Variants in TENM3 observed in about 807,000 individuals in gnomAD.
The protein encoded by TENM3 is teneurin-3.
In TENM3, 63 loss-of-function variants were observed where a neutral mutation model predicts 255.1. The observed-to-expected ratio is 0.25, with a 90% CI of 0.20 to 0.30. TENM3 has a LOEUF of 0.30. Ranked by LOEUF, TENM3 falls within the 10% of genes least tolerant of loss-of-function variation. The probability of loss-of-function intolerance (pLI) is 1.00; values close to 1 mark genes in which losing one functional copy is unlikely to be tolerated. For missense variants in TENM3, 2,929 were observed against 3,461.1 expected, an observed-to-expected ratio of 0.85 and a Z score of 3.86; for synonymous variants, 1,306 against 1,322.3, an observed-to-expected ratio of 0.99 and a Z score of 0.27.
At chr4:182,416,682 C>A (rs189195381) in intron 3 of TENM3, among the ~76,000 whole-genome samples, 2 of 152,092 alleles carry the variant, frequency 1.3e-5, no homozygotes, top group Admixed American at 1.3e-4. Flanking sequence ...AATTGGCTTC[C>A]CAAAGTAACT....
At position 182,754,320 on chromosome 4, in the gene TENM3, A is replaced by G. The variant is rs1762571298; in HGVS notation, c.4018-65A>G. The G allele has an allele frequency of 2.1e-6, 3 of 1,446,656 alleles. No individual in the cohort carries two copies. The highest frequency in any genetic ancestry group is 2.8e-6 in the Non-Finnish European group (3 of 1,084,674). 89.6% of individuals were successfully genotyped at this position (1,446,656 alleles called of 1,614,324 possible). On this transcript the variant is annotated intron_variant, in intron 21 of 27. Transcript: ENST00000511685. The surrounding 1 kb of genome is among the most constrained non-coding windows in gnomAD (Gnocchi z 5.1). The stretch of plus-strand genomic sequence containing the variant: ...CCAATTTCCCTGAATGGTCTAATTT[A>G]CTCTTCTGGCGAATTAACTGTAGTG...
chr4:182,416,142 C>T (rs1770343832), intron 3 of TENM3, among the ~76,000 whole-genome samples: 1 of 152,128 alleles, frequency 6.6e-6, no homozygotes, highest in Admixed American at 6.5e-5. Context: ...TCTTAATTCA[C>T]ACACCAAGAT....
chr4:182,004,153 T>G, the TENM3 span, among the ~76,000 whole-genome samples: 1 of 152,094 alleles, frequency 6.6e-6, no homozygotes, highest in African/African-American at 2.4e-5. Flanking sequence ...GCTTATTACA[T>G]AGGTATACAT....
chr4:181,483,854 T>C, the TENM3 span, among the ~76,000 whole-genome samples: 4 of 152,154 alleles, frequency 2.6e-5, no homozygotes, highest in African/African-American at 9.7e-5. Context: ...AACTTCTATC[T>C]CCAACAGATG....
intron 25 of TENM3, among the ~76,000 whole-genome samples, chr4:182,791,257 C>G (rs138707423): frequency 6.6e-6 from 1 of 152,348 alleles, no homozygotes; most frequent in East Asian, 1.9e-4. Context: ...AAGCTGAAGT[C>G]AGGCAAAGGA....
intron 6 of TENM3, among the ~76,000 whole-genome samples, chr4:182,669,042 A>G (rs188170542): frequency 1.1e-4 from 17 of 152,328 alleles, no homozygotes; most frequent in African/African-American, 3.8e-4. Flanking sequence ...ACAATCAAGT[A>G]TCATAGCCTT....
the TENM3 span, among the ~76,000 whole-genome samples, chr4:181,627,379 A>G: frequency 6.6e-6 from 1 of 152,194 alleles, no homozygotes; most frequent in Non-Finnish European, 1.5e-5. Context: ...GTACATGTGC[A>G]CAATGTGCAG....
chr4:181,995,065 G>T, the TENM3 span, among the ~76,000 whole-genome samples: 1 of 152,110 alleles, frequency 6.6e-6, no homozygotes, highest in Non-Finnish European at 1.5e-5. Context: ...GAGGCGGGTA[G>T]ATCACTTGAG....
chr4:182,759,895 C>G (rs4862087), intron 22 of TENM3, among the ~76,000 whole-genome samples: 23,529 of 152,172 alleles, frequency 0.15, 1,950 homozygotes, highest in South Asian at 0.2. Flanking sequence ...TATTATGTCC[C>G]TATTGTGATT....
the TENM3 span, among the ~76,000 whole-genome samples, chr4:181,866,387 T>A: frequency 1.3e-5 from 2 of 152,214 alleles, no homozygotes; most frequent in Non-Finnish European, 2.9e-5. Flanking sequence ...TTACTTAGTT[T>A]ATGTAGATAC....
the TENM3 span, among the ~76,000 whole-genome samples, chr4:181,959,985 T>C: frequency 6.6e-6 from 1 of 152,212 alleles, no homozygotes; most frequent in Non-Finnish European, 1.5e-5. Flanking sequence ...GACAAATGTC[T>C]AATAAAGTTC....
chr4:182,524,706 T>A (rs1738963366), intron 3 of TENM3, among the ~76,000 whole-genome samples: 1 of 151,494 alleles, frequency 6.6e-6, no homozygotes, highest in African/African-American at 2.4e-5. Context: ...AAATCCAAAC[T>A]CAGAGTCATT....
At chr4:182,471,604 G>A (rs1733126629) in intron 3 of TENM3, among the ~76,000 whole-genome samples, 1 of 150,772 alleles carries the variant, frequency 6.6e-6, no homozygotes, top group Admixed American at 6.7e-5. Flanking sequence ...GTTCATCATT[G>A]AAATGTTATG....
At chr4:181,810,140 C>T in the TENM3 span, among the ~76,000 whole-genome samples, 5 of 152,234 alleles carry the variant, frequency 3.3e-5, no homozygotes, top group East Asian at 3.9e-4. Flanking sequence ...GTAACAAGCA[C>T]GGGATCCAGG....
At chr4:181,680,197 A>C in the TENM3 span, among the ~76,000 whole-genome samples, 1 of 152,088 alleles carries the variant, frequency 6.6e-6, no homozygotes, top group African/African-American at 2.4e-5. Flanking sequence ...TTTATATCTG[A>C]ACTCTACAGT....
the TENM3 span, among the ~76,000 whole-genome samples, chr4:181,617,153 A>ATAG: frequency 1.3e-5 from 2 of 152,210 alleles, no homozygotes; most frequent in African/African-American, 4.8e-5. Flanking sequence ...AAGACAGATA[A>ATAG]TAGATGGTCC....
chr4:182,772,382 G>A (rs1038037076), intron 22 of TENM3, among the ~76,000 whole-genome samples: 2 of 152,022 alleles, frequency 1.3e-5, no homozygotes, highest in African/African-American at 4.8e-5. Flanking sequence ...TAACAGCATT[G>A]TTTCTCTGTT....
chr4:181,521,483 G>A, the TENM3 span, among the ~76,000 whole-genome samples: 1 of 152,200 alleles, frequency 6.6e-6, no homozygotes, highest in African/African-American at 2.4e-5. Flanking sequence ...TGTAATGAAT[G>A]ATCGATTTTA....
At chr4:182,069,855 C>G in the TENM3 span, among the ~76,000 whole-genome samples, 1 of 152,126 alleles carries the variant, frequency 6.6e-6, no homozygotes, top group African/African-American at 2.4e-5. Flanking sequence ...TCTGTCCCCT[C>G]TTCTTCAAGG....
Sources: allele counts gnomAD v4.1 joint callset (sites outside exome capture counted in the v4.1 genomes callset), GRCh38; gene constraint gnomAD v4.1.1; non-coding constraint Gnocchi (gnomAD v3.1); transcripts MANE v1.5; gene names NCBI Gene and HGNC (gene_info 2026-07-23, HGNC 2026-07-21).